The following CNTNAP5 variants were observed in gnomAD, a reference collection of about 807,000 sequenced individuals.
CNTNAP5 encodes the protein contactin associated protein family member 5.
A neutral mutation model predicts 150.2 loss-of-function variants in CNTNAP5; 72 were observed. The observed-to-expected ratio is 0.48, with a 90% confidence interval of 0.40 to 0.58. CNTNAP5 has a LOEUF of 0.58. Ranked by LOEUF, CNTNAP5 falls within the 20% of genes least tolerant of loss-of-function variation. The pLI is 0.00. For synonymous variants in CNTNAP5, 672 were observed against 619.8 expected (o/e 1.08, Z -1.25); for missense variants, 1,636 against 1,626.2 (o/e 1.01, Z -0.10).
rs542217259 is a variant in CNTNAP5 at position 124,889,796 on chromosome 2, A to AT, written c.3437-13077dup. On this transcript the variant is annotated intron_variant, in intron 21 of 23. Transcript: ENST00000682447. The stretch of plus-strand genomic sequence containing the variant: ...ATAAGGTTTGTCCTCTGGATCAGTG[A>AT]TTTTTTTTTGTTTTTATTAAAGTAT... Among the ~76,000 whole-genome samples, 209 of 151,520 alleles carry AT rather than the reference A, an allele frequency of 1.4e-3. 4 individuals are homozygous for AT. Among genetic ancestry groups the AT allele is most frequent in the East Asian group, 4.1e-3 (21 of 5,142 alleles).
At chr2:124,509,047 A>C (rs1339640625) in intron 8 of CNTNAP5, among the ~76,000 whole-genome samples, 1 of 146,326 alleles carries the variant, frequency 6.8e-6, no homozygotes, top group Non-Finnish European at 1.6e-5. Flanking sequence ...CAGAGAATGC[A>C]GATAATCAAA....
chr2:124,274,691 TAGC>T (rs1558830174), intron 3 of CNTNAP5, among the ~76,000 whole-genome samples: 1 of 151,810 alleles, frequency 6.6e-6, no homozygotes, highest in Non-Finnish European at 1.5e-5. Context: ...GTAAACAAAA[TAGC>T]AGAAGTTTTC....
At chr2:124,845,898 T>C (rs958501192) in intron 19 of CNTNAP5, among the ~76,000 whole-genome samples, 3 of 152,138 alleles carry the variant, frequency 2.0e-5, no homozygotes, top group African/African-American at 7.2e-5. Context: ...TTAATCTTGC[T>C]AATGGTCTAT....
At chr2:124,593,142 T>A (rs965066088) in intron 11 of CNTNAP5, among the ~76,000 whole-genome samples, 25 of 149,374 alleles carry the variant, frequency 1.7e-4, no homozygotes, top group East Asian at 1.6e-3. Flanking sequence ...TATTATTATT[T>A]TTTTAATTAT....
chr2:124,497,839 T>A (rs1186473996), intron 7 of CNTNAP5, among the ~76,000 whole-genome samples: 3 of 152,162 alleles, frequency 2.0e-5, no homozygotes, highest in Non-Finnish European at 4.4e-5. Context: ...AGTGGTTCCA[T>A]CCTTGTGTCT....
intron 3 of CNTNAP5, among the ~76,000 whole-genome samples, chr2:124,400,678 T>TTTTTG (rs1558884155): frequency 1.2e-4 from 13 of 105,914 alleles, no homozygotes; most frequent in African/African-American, 3.3e-4. Flanking sequence ...TGTTTTTTTT[T>TTTTTG]TTTTTTTTTT....
At chr2:124,291,565 GACC>G (rs1688294250) in intron 3 of CNTNAP5, among the ~76,000 whole-genome samples, 1 of 151,206 alleles carries the variant, frequency 6.6e-6, no homozygotes, top group Non-Finnish European at 1.5e-5. Context: ...TATATGCGTA[GACC>G]TATGATTTAA....
Position 124,609,859 on chromosome 2 carries a change from C to G in CNTNAP5, c.1815C>G (p.Phe605Leu), listed in dbSNP as rs1312367480. 6.2e-7 allele frequency: 1 copy of G among 1,614,014 alleles called. No individual in the cohort carries two copies. The highest frequency in any genetic ancestry group is 1.1e-5 in the South Asian group (1 of 91,088). ...YRHQGNTAGF[F>L]YIDSDGSGPL... ...ACCAGGGGAATACAGCCGGCTTCTTCTACATCGACTCAGATGGCAGCGGCC... is the reference window on the plus strand; with the variant it reads ...ACCAGGGGAATACAGCCGGCTTCTTGTACATCGACTCAGATGGCAGCGGCC... The change falls in exon 12 of 24, where the codon TTC becomes TTG. Residue 605 changes from phenylalanine to leucine, a missense_variant. Physicochemically the swap from Phe to Leu is conservative, Grantham distance 22. Transcript: ENST00000682447.
chr2:124,153,222 G>T (rs1684446244), intron 1 of CNTNAP5, among the ~76,000 whole-genome samples: 1 of 152,182 alleles, frequency 6.6e-6, no homozygotes, highest in Non-Finnish European at 1.5e-5. Context: ...ATTAGGAAAA[G>T]AATTAGAAAG....
At chr2:124,471,452 A>C (rs1693513000) in intron 6 of CNTNAP5, among the ~76,000 whole-genome samples, 2 of 152,176 alleles carry the variant, frequency 1.3e-5, no homozygotes, top group African/African-American at 4.8e-5. Context: ...TTATCAGCTA[A>C]TAAGCTTTTG....
At chr2:124,097,701 G>A (rs766973229) in intron 1 of CNTNAP5, among the ~76,000 whole-genome samples, 12 of 152,136 alleles carry the variant, frequency 7.9e-5, no homozygotes, top group Non-Finnish European at 1.0e-4. Context: ...GGGTTTGGGG[G>A]ACTGCCCCAA....
intron 1 of CNTNAP5, among the ~76,000 whole-genome samples, chr2:124,113,836 T>C (rs1683361555): frequency 6.6e-6 from 1 of 152,008 alleles, no homozygotes; most frequent in Admixed American, 6.6e-5. Context: ...GGTCACACTT[T>C]ATTTTTTCCA....
At chr2:124,255,928 C>T (rs945982694) in intron 3 of CNTNAP5, among the ~76,000 whole-genome samples, 2 of 152,070 alleles carry the variant, frequency 1.3e-5, no homozygotes, top group Non-Finnish European at 2.9e-5. Flanking sequence ...TTTCAAGAAA[C>T]ATTAGCTAGG....
chr2:124,309,639 T>G (rs139879319), intron 3 of CNTNAP5, among the ~76,000 whole-genome samples: 1,876 of 152,300 alleles, frequency 0.012, 45 homozygotes, highest in African/African-American at 0.043. Context: ...GAGGCAGAGC[T>G]AGGGCTGAAT....
chr2:124,610,977 C>T (rs1386111048), intron 12 of CNTNAP5, among the ~76,000 whole-genome samples: 3 of 150,842 alleles, frequency 2.0e-5, no homozygotes, highest in East Asian at 1.9e-4. Flanking sequence ...AAAAATCCAG[C>T]TATGCAAGCA....
chr2:124,341,930 C>G (rs1573928102), intron 3 of CNTNAP5, among the ~76,000 whole-genome samples: 1 of 152,040 alleles, frequency 6.6e-6, no homozygotes, highest in Non-Finnish European at 1.5e-5. Context: ...TTAGTTATCT[C>G]AAGTCAGAAA....
At chr2:124,634,112 A>T (rs1677923258) in intron 12 of CNTNAP5, among the ~76,000 whole-genome samples, 1 of 152,152 alleles carries the variant, frequency 6.6e-6, no homozygotes, top group Non-Finnish European at 1.5e-5. Context: ...CTCTTTACTT[A>T]TGCAAATTTC....
chr2:124,885,166 G>T (rs896120702), intron 21 of CNTNAP5, among the ~76,000 whole-genome samples: 1 of 152,038 alleles, frequency 6.6e-6, no homozygotes, highest in Non-Finnish European at 1.5e-5. Context: ...ATGAGTGGAA[G>T]TTGCTGCCCC....
chr2:124,242,027 G>T (rs184771949), intron 2 of CNTNAP5, among the ~76,000 whole-genome samples, 173 bp from the exon 3 acceptor site: 1 of 152,268 alleles, frequency 6.6e-6, no homozygotes, highest in East Asian at 1.9e-4. Context: ...TTTGATGGAG[G>T]TGGAGAATGG....
Sources: allele counts gnomAD v4.1 joint callset (sites outside exome capture counted in the v4.1 genomes callset), GRCh38; gene constraint gnomAD v4.1.1; transcripts MANE v1.5; gene names NCBI Gene and HGNC (gene_info 2026-07-23, HGNC 2026-07-21).